The following KCNN2 variants were observed in gnomAD, a reference collection of about 807,000 sequenced individuals.
KCNN2 encodes the protein small conductance calcium-activated potassium channel protein 2.
Under a neutral mutation model 55.5 loss-of-function variants are expected in KCNN2, and 24 were observed. The ratio of observed to expected loss-of-function variants is 0.43; its 90% CI spans 0.31 to 0.61. The LOEUF is 0.61. Ranked by LOEUF, KCNN2 falls within the 20% of genes least tolerant of loss-of-function variation. The probability of loss-of-function intolerance (pLI) is 0.08; values close to 1 mark genes in which losing one functional copy is unlikely to be tolerated. For synonymous variants in KCNN2, 431 were observed against 336.1 expected (o/e 1.28, Z -3.09); for missense variants, 754 against 853.6 (o/e 0.88, Z 1.45).
intron 2 of KCNN2, among the ~76,000 whole-genome samples, chr5:114,395,557 C>T (rs1758589660): frequency 6.6e-6 from 1 of 152,138 alleles, no homozygotes; most frequent in African/African-American, 2.4e-5. Context: ...TACAAGTGAG[C>T]TTAAAACAGA....
At chr5:114,455,594 A>C (rs1599176) in intron 3 of KCNN2, among the ~76,000 whole-genome samples, 1 of 152,078 alleles carries the variant, frequency 6.6e-6, no homozygotes, top group African/African-American at 2.4e-5. Context: ...TCAATCAAAA[A>C]CTAGACATGA....
At chr5:114,136,326 T>A (rs980584887) in intron 1 of KCNN2, among the ~76,000 whole-genome samples, 2 of 152,166 alleles carry the variant, frequency 1.3e-5, no homozygotes, top group African/African-American at 4.8e-5. Flanking sequence ...GCTCTTGTCC[T>A]CTTTTGCCTG....
At chr5:114,454,839 C>T (rs1760849485) in intron 3 of KCNN2, among the ~76,000 whole-genome samples, 1 of 152,200 alleles carries the variant, frequency 6.6e-6, no homozygotes. Context: ...TTTTGTGGTA[C>T]TTGGTTTCTC....
chr5:114,273,211 CT>C (rs1375553617), intron 2 of KCNN2, among the ~76,000 whole-genome samples: 1 of 152,108 alleles, frequency 6.6e-6, no homozygotes, highest in Non-Finnish European at 1.5e-5. Context: ...TGAACTCATC[CT>C]TTTTTATGGC....
chr5:114,450,856 C>A (rs1426451121), intron 3 of KCNN2, among the ~76,000 whole-genome samples: 1 of 152,218 alleles, frequency 6.6e-6, no homozygotes, highest in Non-Finnish European at 1.5e-5. Flanking sequence ...GATTGACCTA[C>A]TGGATATTAC....
At chr5:114,472,026 G>C (rs952356346) in intron 4 of KCNN2, among the ~76,000 whole-genome samples, 3 of 152,150 alleles carry the variant, frequency 2.0e-5, no homozygotes, top group Admixed American at 6.5e-5. Flanking sequence ...TCTGTTTGTT[G>C]AGACTAGCTG....
At chr5:114,481,748 G>T (rs144268099) in intron 5 of KCNN2, among the ~76,000 whole-genome samples, 1 of 152,206 alleles carries the variant, frequency 6.6e-6, no homozygotes, top group African/African-American at 2.4e-5. Context: ...CAACCATCAT[G>T]ATCTTCAACA....
intron 1 of KCNN2, among the ~76,000 whole-genome samples, chr5:114,161,105 G>A (rs1424245828): frequency 1.3e-5 from 2 of 152,122 alleles, no homozygotes; most frequent in Non-Finnish European, 2.9e-5. Context: ...AGCCTTGATG[G>A]TTTTCACAAT....
At chr5:114,444,072 C>A (rs1760311890) in intron 3 of KCNN2, among the ~76,000 whole-genome samples, 1 of 152,192 alleles carries the variant, frequency 6.6e-6, no homozygotes, top group Non-Finnish European at 1.5e-5. Flanking sequence ...GGTAAGATGT[C>A]TGTTACAATG....
At chr5:114,206,160 G>A (rs577410978) in intron 1 of KCNN2, among the ~76,000 whole-genome samples, 66 of 152,254 alleles carry the variant, frequency 4.3e-4, no homozygotes, top group African/African-American at 1.4e-3. Flanking sequence ...ATGTCTAAAA[G>A]ACTACTTAAA....
At chr5:114,287,275 A>G (rs1755774125) in intron 2 of KCNN2, among the ~76,000 whole-genome samples, 1 of 152,240 alleles carries the variant, frequency 6.6e-6, no homozygotes. Flanking sequence ...ATTGTAAATC[A>G]TTCTACTATA....
chr5:114,212,922 A>G lies in KCNN2; in HGVS notation c.-270-8558A>G, dbSNP rs148717690. ...TTTTTATAGTAGCATGCGTAAAGCT[A>G]TATCTTCTTACAATGTAGATATAAT... On this transcript the variant is annotated intron_variant, in intron 1 of 10. Transcript: ENST00000512097. 2.8e-3 allele frequency among the ~76,000 whole-genome samples: 431 copies of G among 152,156 alleles called. 1 individual carries two copies. The highest frequency in any genetic ancestry group is 1.0e-2 in the African/African-American group (414 of 41,552).
intron 1 of KCNN2, among the ~76,000 whole-genome samples, chr5:114,121,943 T>A (rs1298931382): frequency 6.6e-6 from 1 of 152,258 alleles, no homozygotes; most frequent in Non-Finnish European, 1.5e-5. Context: ...GACAAGGGAT[T>A]GGAGGATGTT....
intron 2 of KCNN2, among the ~76,000 whole-genome samples, chr5:114,384,215 C>T (rs541186981): frequency 1.3e-5 from 2 of 152,266 alleles, no homozygotes; most frequent in South Asian, 4.2e-4. Context: ...TATTCAAACA[C>T]TTGGTTTACT....
chr5:114,481,698 C>T (rs1762237287), intron 5 of KCNN2, among the ~76,000 whole-genome samples: 1 of 151,954 alleles, frequency 6.6e-6, no homozygotes, highest in Non-Finnish European at 1.5e-5. Context: ...CAAAAACAGA[C>T]ACATAGACCA....
intron 1 of KCNN2, among the ~76,000 whole-genome samples, chr5:114,169,582 C>T (rs17136332): frequency 0.031 from 4,748 of 152,150 alleles, 258 homozygotes; most frequent in African/African-American, 0.11. Context: ...AGGAAGAATG[C>T]GACAGAGCCG....
chr5:114,280,114 G>C (rs553068180), intron 2 of KCNN2, among the ~76,000 whole-genome samples: 115 of 152,302 alleles, frequency 7.6e-4, no homozygotes, highest in Middle Eastern at 3.4e-3. Context: ...AGAAGTGTCT[G>C]TTCATATCCT....
At chr5:114,105,865 G>T (rs1332445914) in intron 1 of KCNN2, among the ~76,000 whole-genome samples, 1 of 151,882 alleles carries the variant, frequency 6.6e-6, no homozygotes, top group Non-Finnish European at 1.5e-5. Context: ...AGCAGAATTT[G>T]TAATTTCCAT....
At chr5:114,406,761 C>T (rs1436061978) in intron 3 of KCNN2, among the ~76,000 whole-genome samples, 1 of 152,080 alleles carries the variant, frequency 6.6e-6, no homozygotes, top group Non-Finnish European at 1.5e-5. Flanking sequence ...TTTTTGTATG[C>T]TCAGTAGCCC....
Sources: gnomAD v4.1 joint callset for allele counts (sites outside exome capture counted in the v4.1 genomes callset) on GRCh38, gnomAD v4.1.1 for gene constraint, MANE v1.5 for transcripts, NCBI Gene and HGNC (gene_info 2026-07-23, HGNC 2026-07-21) for gene names.